The following BCLAF3 variants were observed in gnomAD, a reference collection of about 807,000 sequenced individuals.
BCLAF3 encodes the protein transient octamer binding factor 1.
A neutral mutation model predicts 51.2 loss-of-function variants in BCLAF3; 24 were observed. The ratio of observed to expected loss-of-function variants is 0.47; its 90% CI spans 0.34 to 0.66. The LOEUF (loss-of-function observed/expected upper bound fraction) is 0.66, where lower values mean the gene tolerates loss of function less well. Among genes scored for constraint, BCLAF3 ranks in the 30% least tolerant of loss-of-function variants. The probability of loss-of-function intolerance (pLI) is 0.01; values close to 1 mark genes in which losing one functional copy is unlikely to be tolerated. For synonymous variants in BCLAF3, 152 were observed against 176.6 expected (o/e 0.86, Z 1.10); for missense variants, 465 against 525.1 (o/e 0.89, Z 1.12).
intron 11 of BCLAF3, among the ~76,000 whole-genome samples, chrX:19,921,885 C>T (rs2070174096): frequency 9.2e-6 from 1 of 109,075 alleles, no homozygotes; most frequent in Non-Finnish European, 1.9e-5. Flanking sequence ...TGCCTGTAAT[C>T]CCAGCTACTC....
At chrX:19,967,572 C>T (rs957145933) in intron 2 of BCLAF3, among the ~76,000 whole-genome samples, 4 of 111,551 alleles carry the variant, frequency 3.6e-5, no homozygotes, top group Admixed American at 1.9e-4. Context: ...GTTGCCTAGA[C>T]GTAAAGAGAG....
At chrX:19,941,946 C>A (rs1448845363) in intron 8 of BCLAF3, among the ~76,000 whole-genome samples, 2 of 46,130 alleles carry the variant, frequency 4.3e-5, no homozygotes, top group South Asian at 1.2e-3. Flanking sequence ...CTTTTATTTC[C>A]TTGAGCAGTG....
rs2069894135 is a variant in BCLAF3, at chrX:19,914,800, A to C, written c.*2505T>G. 8.9e-6 allele frequency: 1 copy of C among 111,957 alleles called. No individual in the cohort carries two copies. Among genetic ancestry groups the C allele is most frequent in the African/African-American group, 3.2e-5 (1 of 30,834 alleles). 9.2% of individuals were successfully genotyped at this position (111,957 alleles called of 1,213,427 possible). ...TTTCCCCCAATGCATCAATTTTTAAAACCAGTAAAACCACCAACAGAATAG... is the reference window on the plus strand; with the variant it reads ...TTTCCCCCAATGCATCAATTTTTAACACCAGTAAAACCACCAACAGAATAG... On this transcript the variant is annotated 3_prime_UTR_variant, in exon 12 of 12. Transcript: ENST00000379682.
At chrX:19,987,045 A>T (rs1331607723) in intron 1 of BCLAF3, among the ~76,000 whole-genome samples, 1 of 110,273 alleles carries the variant, frequency 9.1e-6, no homozygotes, top group Non-Finnish European at 1.9e-5. Flanking sequence ...GCCTCAGGTG[A>T]TCCTCCCAGT....
At chrX:19,985,751 C>A (rs924152344) in intron 1 of BCLAF3, among the ~76,000 whole-genome samples, 1 of 111,006 alleles carries the variant, frequency 9.0e-6, no homozygotes, top group African/African-American at 3.3e-5. Flanking sequence ...AAGGCCAGCC[C>A]GGGCAACATG....
chrX:19,950,249 C>G (rs1159720862), intron 8 of BCLAF3, among the ~76,000 whole-genome samples: 1 of 111,853 alleles, frequency 8.9e-6, no homozygotes, highest in African/African-American at 3.2e-5. Flanking sequence ...CTACACCTGC[C>G]TCAATTTCAT....
chrX:19,945,960 G>A (rs992813956), intron 8 of BCLAF3, among the ~76,000 whole-genome samples: 1 of 109,464 alleles, frequency 9.1e-6, no homozygotes, highest in African/African-American at 3.4e-5. Context: ...AGCCAGGTGT[G>A]GGATATAGTC....
chrX:19,939,312 T>C (rs959817589), intron 8 of BCLAF3, among the ~76,000 whole-genome samples: 4 of 112,397 alleles, frequency 3.6e-5, no homozygotes, highest in African/African-American at 9.7e-5. Context: ...CATTAGTGTG[T>C]ATGACTACTT....
intron 1 of BCLAF3, among the ~76,000 whole-genome samples, chrX:19,983,716 A>G (rs749876341): frequency 9.2e-6 from 1 of 109,153 alleles, no homozygotes; most frequent in African/African-American, 3.3e-5. Context: ...CACAGTCTCT[A>G]AATAAATAAG....
At chrX:19,942,104 AT>A (rs1360825957) in intron 8 of BCLAF3, among the ~76,000 whole-genome samples, 1 of 73,375 alleles carries the variant, frequency 1.4e-5, no homozygotes, top group Non-Finnish European at 2.4e-5. Flanking sequence ...AATGCTTGTG[AT>A]TTTTGTACAT....
Position 19,917,169 on chromosome X carries a change from A to C in BCLAF3, c.*136T>G. ...AGGTGTAAAAAAGTTGCAGCATTCC[A>C]CTACTAAAAAATAAAGTTATTTTAT... is the stretch of plus-strand genomic sequence containing the variant. On this transcript the variant is annotated 3_prime_UTR_variant, in exon 12 of 12. Coordinates refer to ENST00000379682, the MANE Select transcript of BCLAF3 (RefSeq NM_001367774.2). 1 of 570,222 alleles carries C rather than the reference A, an allele frequency of 1.8e-6. No homozygotes were observed. Among genetic ancestry groups the C allele is most frequent in the Non-Finnish European group, 2.9e-6 (1 of 347,191 alleles). 47.0% of individuals were successfully genotyped at this position (570,222 alleles called of 1,213,427 possible).
At position 19,955,584 on chromosome X, in the gene BCLAF3, T is replaced by C; in HGVS notation, c.1275-18A>G. 8.7e-7 allele frequency: 1 copy of C among 1,143,256 alleles called. No homozygotes were observed. The highest frequency in any genetic ancestry group is 3.1e-5 in the East Asian group (1 of 32,021). 94.2% of individuals were successfully genotyped at this position (1,143,256 alleles called of 1,213,427 possible). ...AAGCAACCCTAGAATAATTTGCAAA[T>C]GTTTAACTAAATTTGAAACTATTTT... is the stretch of plus-strand genomic sequence containing the variant. On this transcript the variant is annotated intron_variant, in intron 4 of 11. Transcript: ENST00000379682.
At chrX:19,935,464 C>T (rs773837319) in intron 10 of BCLAF3, 155 of 162,463 alleles carry the variant, frequency 9.5e-4, no homozygotes, top group African/African-American at 4.6e-3. Context: ...CAGCTCTGCA[C>T]GTGTATCTTA....
intron 4 of BCLAF3, among the ~76,000 whole-genome samples, chrX:19,962,256 A>T (rs1159779010): frequency 9.0e-6 from 1 of 111,587 alleles, no homozygotes; most frequent in Non-Finnish European, 1.9e-5. Flanking sequence ...AACATGGCTC[A>T]CTGCAGTCTC....
At chrX:19,952,690 C>T (rs1258800870) in intron 7 of BCLAF3, among the ~76,000 whole-genome samples, 1 of 111,638 alleles carries the variant, frequency 9.0e-6, no homozygotes. Flanking sequence ...TTTCCATAAG[C>T]TTTACAGTGC....
chrX:19,958,394 G>A (rs574764306), intron 4 of BCLAF3, among the ~76,000 whole-genome samples: 2 of 111,844 alleles, frequency 1.8e-5, no homozygotes, highest in East Asian at 5.6e-4. Context: ...AAATCCGTAC[G>A]ACACATATAA....
rs1441124744 is a variant in BCLAF3 at position 19,976,421 on chromosome X, C to T, written c.-34-6123G>A. ...TTCTTTTTTTTTTGAGATGGAGTCT[C>T]GCTCTGTCACCCAGGCTGGAGTGCA... On this transcript the variant is annotated intron_variant, in intron 1 of 11. Coordinates refer to ENST00000379682, the MANE Select transcript of BCLAF3 (RefSeq NM_001367774.2). Among the ~76,000 whole-genome samples the T allele has an allele frequency of 2.7e-5, 3 of 111,003 alleles. 1 individual carries two copies. The highest frequency in any genetic ancestry group is 2.8e-4 in the East Asian group (1 of 3,558).
At chrX:19,968,837 G>A (rs1481456056) in intron 2 of BCLAF3, among the ~76,000 whole-genome samples, 1 of 112,513 alleles carries the variant, frequency 8.9e-6, no homozygotes, top group Non-Finnish European at 1.9e-5. Context: ...CTGTGGGCCG[G>A]GCGCAGTGGC....
intron 1 of BCLAF3, among the ~76,000 whole-genome samples, chrX:19,976,395 TTTC>T (rs2072422758): frequency 9.0e-6 from 1 of 111,630 alleles, no homozygotes; most frequent in African/African-American, 3.3e-5. Flanking sequence ...GAAAACAGAA[TTTC>T]TTTTTTTTTT....
Sources: allele counts gnomAD v4.1 joint callset (sites outside exome capture counted in the v4.1 genomes callset), GRCh38; gene constraint gnomAD v4.1.1; transcripts MANE v1.5; gene names NCBI Gene and HGNC (gene_info 2026-07-23, HGNC 2026-07-21).